The following HS6ST3 variants were observed in gnomAD, a reference collection of about 807,000 sequenced individuals.
HS6ST3 encodes the protein heparan sulfate 6-O-sulfotransferase 3.
A neutral mutation model predicts 36.7 loss-of-function variants in HS6ST3; 12 were observed. The observed-to-expected ratio is 0.33, with a 90% CI of 0.21 to 0.53. The LOEUF is 0.53. Among genes scored for constraint, HS6ST3 ranks in the 20% least tolerant of loss-of-function variants. The probability of loss-of-function intolerance (pLI) is 0.95; values close to 1 mark genes in which losing one functional copy is unlikely to be tolerated. For synonymous variants in HS6ST3, 240 were observed against 257.5 expected, an observed-to-expected ratio of 0.93 and a Z score of 0.65; for missense variants, 584 against 640.9, an observed-to-expected ratio of 0.91 and a Z score of 0.96.
At chr13:96,818,505 G>T (rs548017519) in intron 1 of HS6ST3, among the ~76,000 whole-genome samples, 1 of 152,310 alleles carries the variant, frequency 6.6e-6, no homozygotes, top group South Asian at 2.1e-4. Context: ...CTAGCATGGA[G>T]AAAAATATCG....
chr13:96,594,532 TA>T (rs914110967), intron 1 of HS6ST3, among the ~76,000 whole-genome samples: 6 of 152,150 alleles, frequency 3.9e-5, no homozygotes, highest in African/African-American at 1.4e-4. Context: ...CTTGTAGCTA[TA>T]AAAGATTATT....
At chr13:96,645,477 T>C (rs2056585478) in intron 1 of HS6ST3, among the ~76,000 whole-genome samples, 1 of 151,046 alleles carries the variant, frequency 6.6e-6, no homozygotes, top group Non-Finnish European at 1.5e-5. Flanking sequence ...ATCTGTTCCA[T>C]GTCACTGTTC....
intron 1 of HS6ST3, among the ~76,000 whole-genome samples, chr13:96,313,897 A>T (rs925656235): frequency 4.6e-5 from 7 of 152,144 alleles, no homozygotes; most frequent in African/African-American, 2.4e-5. Flanking sequence ...CACACTGAGC[A>T]TTTGCCTAAA....
rs74107105 is a variant in HS6ST3, at chr13:96,674,863, T to G, written c.708-157627T>G. Among the ~76,000 whole-genome samples the G allele has an allele frequency of 9.7e-3, 1,480 of 152,298 alleles. 26 individuals are homozygous for G. Among genetic ancestry groups the G allele is most frequent in the African/African-American group, 0.033 (1,381 of 41,580 alleles). On this transcript the variant is annotated intron_variant, in intron 1 of 1. Transcript: ENST00000376705. ...TTGATGCCTGTCACTTGCTTTGGTC[T>G]CCTCTCACATTCTCAAGAGAAAGAT... is the stretch of plus-strand genomic sequence containing the variant.
At chr13:96,322,331 G>A (rs2055008146) in intron 1 of HS6ST3, among the ~76,000 whole-genome samples, 1 of 149,702 alleles carries the variant, frequency 6.7e-6, no homozygotes, top group African/African-American at 2.5e-5. Context: ...GATCACTTGA[G>A]CTCATGAGTT....
At position 96,419,496 on chromosome 13, in the gene HS6ST3, GA is replaced by G. The variant is rs1384966386; in HGVS notation, c.707+327928del. ...GATGATAGATAGATAAATGGAGGTA[GA>G]TAGATGGATGGATAGATAGAGAGGT... On this transcript the variant is annotated intron_variant, in intron 1 of 1. Coordinates refer to ENST00000376705, the MANE Select transcript of HS6ST3 (RefSeq NM_153456.4). Among the ~76,000 whole-genome samples the G allele has an allele frequency of 3.9e-5, 6 of 152,212 alleles. 1 individual carries two copies. The highest frequency in any genetic ancestry group is 8.8e-5 in the Non-Finnish European group (6 of 68,034).
chr13:96,572,379 G>A (rs2056303849), intron 1 of HS6ST3, among the ~76,000 whole-genome samples: 1 of 152,284 alleles, frequency 6.6e-6, no homozygotes, highest in African/African-American at 2.4e-5. Context: ...GGCATGCCAA[G>A]TTTGAAATAA....
intron 1 of HS6ST3, among the ~76,000 whole-genome samples, chr13:96,222,571 G>A (rs989086812): frequency 2.0e-5 from 3 of 152,194 alleles, no homozygotes; most frequent in African/African-American, 7.2e-5. Flanking sequence ...AGGTAAGTGG[G>A]CTTAGTTTTG....
chr13:96,245,132 T>C (rs2054578593), intron 1 of HS6ST3, among the ~76,000 whole-genome samples: 1 of 152,222 alleles, frequency 6.6e-6, no homozygotes, highest in South Asian at 2.1e-4. Flanking sequence ...AAGTTTCCAG[T>C]GTTGCTTTGC....
chr13:96,183,701 C>G (rs902232164), intron 1 of HS6ST3, among the ~76,000 whole-genome samples: 1 of 152,098 alleles, frequency 6.6e-6, no homozygotes, highest in Admixed American at 6.5e-5. Flanking sequence ...AATGATTCCA[C>G]TTGTATGAGG....
intron 1 of HS6ST3, among the ~76,000 whole-genome samples, chr13:96,486,522 C>T (rs1332234263): frequency 6.6e-6 from 1 of 152,204 alleles, no homozygotes; most frequent in Non-Finnish European, 1.5e-5. Context: ...TCCTCTCCAG[C>T]ACTTGTCGTT....
intron 1 of HS6ST3, among the ~76,000 whole-genome samples, chr13:96,099,063 C>T (rs1368597790): frequency 6.6e-6 from 1 of 152,132 alleles, no homozygotes. Context: ...CCTGCCTCAG[C>T]CTCCCGAGTA....
At chr13:96,435,779 T>G (rs1359043129) in intron 1 of HS6ST3, among the ~76,000 whole-genome samples, 1 of 146,118 alleles carries the variant, frequency 6.8e-6, no homozygotes, top group African/African-American at 2.6e-5. Context: ...AACTTCTGTA[T>G]AGTTTTTCCC....
intron 1 of HS6ST3, among the ~76,000 whole-genome samples, chr13:96,801,585 T>C (rs1474491876): frequency 1.3e-5 from 2 of 152,058 alleles, no homozygotes; most frequent in Admixed American, 1.3e-4. Context: ...TTACATAATC[T>C]CATGAACTGT....
intron 1 of HS6ST3, among the ~76,000 whole-genome samples, chr13:96,731,577 T>C (rs1006880500): frequency 6.6e-5 from 10 of 152,204 alleles, no homozygotes; most frequent in Non-Finnish European, 1.0e-4. Context: ...CTCTTTGATA[T>C]ATTGATTTCA....
chr13:96,569,306 T>C (rs2056292700), intron 1 of HS6ST3, among the ~76,000 whole-genome samples: 1 of 152,186 alleles, frequency 6.6e-6, no homozygotes, highest in African/African-American at 2.4e-5. Flanking sequence ...AATGTGACAC[T>C]GTGGGTCTTG....
intron 1 of HS6ST3, among the ~76,000 whole-genome samples, chr13:96,583,455 G>T (rs889765564): frequency 1.3e-5 from 2 of 151,368 alleles, no homozygotes; most frequent in Non-Finnish European, 1.5e-5. Flanking sequence ...CTCATGATCC[G>T]CCCACCTCGA....
chr13:96,326,814 A>G (rs535038608), intron 1 of HS6ST3, among the ~76,000 whole-genome samples: 48 of 151,430 alleles, frequency 3.2e-4, no homozygotes, highest in African/African-American at 9.0e-4. Context: ...AAGTGTTCCT[A>G]TTTCTCCACA....
chr13:96,173,700 C>G (rs1302773466), intron 1 of HS6ST3, among the ~76,000 whole-genome samples: 1 of 144,714 alleles, frequency 6.9e-6, no homozygotes, highest in African/African-American at 2.5e-5. Flanking sequence ...AAAATGGAGT[C>G]CAGAGGATAG....
Sources: gnomAD v4.1 joint callset for allele counts (sites outside exome capture counted in the v4.1 genomes callset) on GRCh38, gnomAD v4.1.1 for gene constraint, MANE v1.5 for transcripts, NCBI Gene and HGNC (gene_info 2026-07-23, HGNC 2026-07-21) for gene names.